GPC5: variants seen among roughly 807,000 people sequenced by gnomAD.
GPC5 encodes the protein glypican-5.
In GPC5, 47 loss-of-function variants were observed where a neutral mutation model predicts 53.9. That is an observed-to-expected ratio of 0.87 (90% CI 0.69 to 1.11). GPC5 has a LOEUF of 1.11. GPC5 is among the 50% of genes most tolerant of loss of function. The pLI is 0.00. For missense variants in GPC5, 748 were observed against 713.1 expected (o/e 1.05, Z -0.56); for synonymous variants, 286 against 263.3 (o/e 1.09, Z -0.84).
chr13:91,583,649 T>C (rs1032208094), intron 2 of GPC5, among the ~76,000 whole-genome samples: 1 of 152,122 alleles, frequency 6.6e-6, no homozygotes, highest in African/African-American at 2.4e-5. Context: ...AAAATGTATA[T>C]GTTAATGAAA....
intron 7 of GPC5, among the ~76,000 whole-genome samples, chr13:92,377,176 T>G (rs1286396952): frequency 6.6e-6 from 1 of 152,206 alleles, no homozygotes; most frequent in East Asian, 1.9e-4. Flanking sequence ...ACCATCATAT[T>G]TTGCCTACGC....
intron 7 of GPC5, among the ~76,000 whole-genome samples, chr13:92,624,016 G>C (rs1159456089): frequency 8.4e-6 from 1 of 118,380 alleles, no homozygotes; most frequent in Non-Finnish European, 1.9e-5. Context: ...CACCATGCTC[G>C]GCTAATTTTT....
intron 5 of GPC5, among the ~76,000 whole-genome samples, chr13:91,796,300 A>G (rs1238816044): frequency 6.6e-6 from 1 of 152,228 alleles, no homozygotes; most frequent in Non-Finnish European, 1.5e-5. Flanking sequence ...TTGCTGGATC[A>G]GAAGTGCAGT....
intron 7 of GPC5, among the ~76,000 whole-genome samples, chr13:92,569,156 C>G (rs1455753617): frequency 6.9e-6 from 1 of 145,332 alleles, no homozygotes; most frequent in African/African-American, 2.6e-5. Flanking sequence ...CAATTCCCAC[C>G]TATGAGTGAG....
chr13:92,335,320 T>A lies in GPC5; in HGVS notation c.1561+190331T>A, dbSNP rs576977326. Among the ~76,000 whole-genome samples the A allele has an allele frequency of 2.0e-5, 3 of 152,212 alleles. No homozygotes were observed. In the South Asian group the frequency reaches 6.2e-4, roughly 32 times the overall value. On this transcript the variant is annotated intron_variant, in intron 7 of 7. Transcript: ENST00000377067. Reference sequence around the variant, plus strand: ...GCCATGGCCCAAGCAGTATGTTGGTTCTTTTTAGCCACAGCTGGAGTGGCT... The same window carrying A: ...GCCATGGCCCAAGCAGTATGTTGGTACTTTTTAGCCACAGCTGGAGTGGCT...
chr13:92,569,978 G>A (rs773275033), intron 7 of GPC5, among the ~76,000 whole-genome samples: 3 of 152,052 alleles, frequency 2.0e-5, no homozygotes, highest in East Asian at 1.9e-4. Flanking sequence ...TCTTGTCCTC[G>A]TTTGAGCTAT....
chr13:91,813,298 T>C (rs2038342842), intron 5 of GPC5, among the ~76,000 whole-genome samples: 1 of 152,242 alleles, frequency 6.6e-6, no homozygotes, highest in South Asian at 2.1e-4. Flanking sequence ...GTTATGATCC[T>C]GCTGAAAGCT....
At chr13:91,937,151 C>T (rs2039878622) in intron 6 of GPC5, among the ~76,000 whole-genome samples, 1 of 152,028 alleles carries the variant, frequency 6.6e-6, no homozygotes, top group African/African-American at 2.4e-5. Flanking sequence ...GCCTATGACC[C>T]TTGACAAAGA....
At chr13:91,690,708 G>T (rs1384427820) in intron 2 of GPC5, among the ~76,000 whole-genome samples, 1 of 152,108 alleles carries the variant, frequency 6.6e-6, no homozygotes. Flanking sequence ...TATAAAAATT[G>T]CATGTGTAAA....
chr13:92,710,807 A>G (rs1211371111), intron 7 of GPC5, among the ~76,000 whole-genome samples: 2 of 152,228 alleles, frequency 1.3e-5, no homozygotes, highest in Non-Finnish European at 2.9e-5. Context: ...ATAAAAGCAA[A>G]TAAGAAATCC....
chr13:92,162,585 C>T (rs114026458), intron 7 of GPC5, among the ~76,000 whole-genome samples: 2,841 of 152,230 alleles, frequency 0.019, 88 homozygotes, highest in African/African-American at 0.063. Context: ...ACTACAAAAA[C>T]GTGAAGCAGA....
At chr13:92,017,781 C>CACACACACGCATGAGT (rs770917215) in intron 6 of GPC5, among the ~76,000 whole-genome samples, 579 of 151,490 alleles carry the variant, frequency 3.8e-3, no homozygotes, top group Non-Finnish European at 6.4e-3. Context: ...TGCATGAGTA[C>CACACACACGCATGAGT]ACACACACGC....
rs146255565 is a variant in GPC5, at chr13:92,057,250, A to G, written c.1402-87580A>G. 9.9e-3 allele frequency among the ~76,000 whole-genome samples: 1,502 copies of G among 152,312 alleles called. 28 individuals carry two copies. The highest frequency in any genetic ancestry group is 0.035 in the African/African-American group (1,440 of 41,562). On this transcript the variant is annotated intron_variant, in intron 6 of 7. Transcript: ENST00000377067. Reference sequence around the variant, plus strand: ...GAAGAGAGGAAGCTCAAGGTAGCCAAACTGAGAGAGGCCATATGAAGTGAC... The same window carrying G: ...GAAGAGAGGAAGCTCAAGGTAGCCAGACTGAGAGAGGCCATATGAAGTGAC...
Position 91,451,322 on chromosome 13 carries a change from T to C in GPC5, c.325+2400T>C, listed in dbSNP as rs9589240. On this transcript the variant is annotated intron_variant, in intron 2 of 7. Transcript: ENST00000377067. ...CATTGGACTGGGATGTAGTATGGTC[T>C]CTTTCCTCATGGACCTTATGTGACC... 4.4e-3 allele frequency among the ~76,000 whole-genome samples: 673 copies of C among 152,328 alleles called. 4 individuals carry two copies. Among genetic ancestry groups the C allele is most frequent in the African/African-American group, 0.016 (653 of 41,584 alleles).
At chr13:91,663,346 A>T (rs2035029859) in intron 2 of GPC5, among the ~76,000 whole-genome samples, 1 of 152,192 alleles carries the variant, frequency 6.6e-6, no homozygotes, top group Non-Finnish European at 1.5e-5. Context: ...ACATACCAAT[A>T]TATGCTTGTC....
chr13:92,565,441 C>T (rs1431178067), intron 7 of GPC5, among the ~76,000 whole-genome samples: 1 of 152,090 alleles, frequency 6.6e-6, no homozygotes, highest in African/African-American at 2.4e-5. Context: ...CTGCCAACCT[C>T]ACTTCAAGGC....
intron 6 of GPC5, among the ~76,000 whole-genome samples, chr13:91,917,049 T>C (rs1301828849): frequency 6.6e-6 from 1 of 152,136 alleles, no homozygotes; most frequent in Non-Finnish European, 1.5e-5. Flanking sequence ...TAACTAATTC[T>C]AGCATTAACC....
chr13:91,750,843 G>A (rs1282094055), intron 4 of GPC5, among the ~76,000 whole-genome samples: 1 of 151,770 alleles, frequency 6.6e-6, no homozygotes, highest in Non-Finnish European at 1.5e-5. Context: ...TGTATTTTTT[G>A]TAAAGACGGG....
intron 7 of GPC5, among the ~76,000 whole-genome samples, chr13:92,846,360 A>G (rs529134545): frequency 6.6e-6 from 1 of 152,292 alleles, no homozygotes; most frequent in South Asian, 2.1e-4. Context: ...ACAGAGCCAA[A>G]CTATATAATC....
Sources: gnomAD v4.1 joint callset for allele counts (sites outside exome capture counted in the v4.1 genomes callset) on GRCh38, gnomAD v4.1.1 for gene constraint, MANE v1.5 for transcripts, NCBI Gene and HGNC (gene_info 2026-07-23, HGNC 2026-07-21) for gene names.